NWD2: variants seen among roughly 807,000 people sequenced by gnomAD.
NWD2 encodes NACHT and WD repeat domain containing 2.
Under a neutral mutation model 132.7 loss-of-function variants are expected in NWD2, and 37 were observed. The observed-to-expected ratio is 0.28, with a 90% CI of 0.21 to 0.37. NWD2 has a LOEUF of 0.37. Ranked by LOEUF, NWD2 falls within the 10% of genes least tolerant of loss-of-function variation. NWD2 has a pLI of 1.00. For missense variants in NWD2, 1,592 were observed against 2,122.4 expected, an observed-to-expected ratio of 0.75 and a Z score of 4.91; for synonymous variants, 705 against 803.0, an observed-to-expected ratio of 0.88 and a Z score of 2.06.
intron 1 of NWD2, among the ~76,000 whole-genome samples, chr4:37,262,097 C>T (rs952922424): frequency 6.6e-6 from 1 of 152,206 alleles, no homozygotes; most frequent in Non-Finnish European, 1.5e-5. Context: ...CATCTACAAA[C>T]ATCCAGGAAG....
At chr4:37,418,005 A>G (rs1445435218) in intron 3 of NWD2, among the ~76,000 whole-genome samples, 2 of 152,184 alleles carry the variant, frequency 1.3e-5, no homozygotes, top group African/African-American at 4.8e-5. Context: ...AAAAGAAATG[A>G]CAGCAAAGTA....
chr4:37,245,357 G>C (rs1205411029), intron 1 of NWD2, 139 bp downstream of exon 1: 2 of 1,074,256 alleles, frequency 1.9e-6, no homozygotes, highest in Non-Finnish European at 2.6e-6. Context: ...CCCTGAGCGC[G>C]TGGGAATTTA....
chr4:37,431,980 G>T (rs1018956799), intron 4 of NWD2, among the ~76,000 whole-genome samples: 1 of 80,420 alleles, frequency 1.2e-5, no homozygotes, highest in African/African-American at 4.5e-5. Flanking sequence ...ATTGGTTAAA[G>T]TTCCATTAAT....
At chr4:37,330,529 C>G (rs150183107) in intron 2 of NWD2, among the ~76,000 whole-genome samples, 125 of 152,310 alleles carry the variant, frequency 8.2e-4, no homozygotes, top group African/African-American at 2.8e-3. Context: ...ACCATCCACT[C>G]TTGCTTTTGG....
intron 1 of NWD2, among the ~76,000 whole-genome samples, chr4:37,274,334 A>G (rs1377271616): frequency 6.6e-6 from 1 of 152,222 alleles, no homozygotes; most frequent in Non-Finnish European, 1.5e-5. Context: ...GATTTAGAAG[A>G]AATGGATAAA....
At chr4:37,262,656 G>C (rs1207788051) in intron 1 of NWD2, among the ~76,000 whole-genome samples, 2 of 152,088 alleles carry the variant, frequency 1.3e-5, no homozygotes, top group African/African-American at 2.4e-5. Flanking sequence ...CAACTACCCA[G>C]GTACCTCGGA....
intron 1 of NWD2, among the ~76,000 whole-genome samples, chr4:37,323,998 A>G (rs373404868): frequency 8.5e-5 from 13 of 152,298 alleles, no homozygotes; most frequent in Admixed American, 3.9e-4. Flanking sequence ...TTGAGCACAC[A>G]TGGACATAAA....
intron 3 of NWD2, among the ~76,000 whole-genome samples, chr4:37,374,169 G>A (rs902613523): frequency 6.6e-6 from 1 of 152,172 alleles, no homozygotes; most frequent in Non-Finnish European, 1.5e-5. Flanking sequence ...GTGAGTTCTT[G>A]CCCTATTAGT....
At chr4:37,271,146 T>C (rs1403822454) in intron 1 of NWD2, among the ~76,000 whole-genome samples, 1 of 151,766 alleles carries the variant, frequency 6.6e-6, no homozygotes, top group African/African-American at 2.4e-5. Flanking sequence ...TTACCGTAGC[T>C]TTATAGTAAA....
intron 1 of NWD2, among the ~76,000 whole-genome samples, chr4:37,298,627 CTAAG>C (rs1040603147): frequency 5.3e-5 from 8 of 152,002 alleles, no homozygotes; most frequent in African/African-American, 1.7e-4. Flanking sequence ...TCATTATTTG[CTAAG>C]TGATAGATGT....
Position 37,444,967 on chromosome 4 carries a change from C to G in NWD2, c.2979C>G (p.Thr993=), listed in dbSNP as rs1577704980. ...LTALENGSIS[T]WDVETRQLLR... is the part of the protein sequence containing the mutation. ...CTTTAGAAAATGGTTCCATCAGCAC[C>G]TGGGATGTAGAGACTCGACAGCTAC... The change falls in exon 7 of 7, where the codon ACC becomes ACG. Residue 993 remains threonine (T), a synonymous_variant. Coordinates refer to ENST00000309447, the MANE Select transcript of NWD2 (RefSeq NM_001144990.2). The surrounding 1 kb of genome is among the most constrained non-coding windows in gnomAD (Gnocchi z 4.8). The G allele has an allele frequency of 6.4e-7, 1 of 1,551,962 alleles. No individual in the cohort carries two copies. Among genetic ancestry groups the G allele is most frequent in the Admixed American group, 2.0e-5 (1 of 50,980 alleles).
intron 2 of NWD2, among the ~76,000 whole-genome samples, chr4:37,346,099 AC>A (rs1017729867): frequency 7.9e-5 from 12 of 151,188 alleles, no homozygotes; most frequent in Non-Finnish European, 1.0e-4. Flanking sequence ...AAAAAAAAAA[AC>A]CTACTACTCC....
chr4:37,334,338 C>T (rs1298656101), intron 2 of NWD2, among the ~76,000 whole-genome samples: 1 of 151,932 alleles, frequency 6.6e-6, no homozygotes, highest in African/African-American at 2.4e-5. Context: ...GTTCCAGCTT[C>T]GTTTTCAACT....
chr4:37,247,189 G>A (rs35870167), intron 1 of NWD2, among the ~76,000 whole-genome samples: 33,497 of 152,134 alleles, frequency 0.22, 3,783 homozygotes, highest in South Asian at 0.36. Flanking sequence ...ATTGGAGAGC[G>A]GATGGCATAT....
chr4:37,397,788 C>CCTCTCTCTCT (rs113226816), intron 3 of NWD2, among the ~76,000 whole-genome samples: 2 of 148,698 alleles, frequency 1.3e-5, no homozygotes, highest in Non-Finnish European at 3.0e-5. Flanking sequence ...CTGGGAACAG[C>CCTCTCTCTCT]CTCTCTCTCT....
At chr4:37,388,832 G>A (rs185467050) in intron 3 of NWD2, among the ~76,000 whole-genome samples, 6 of 150,476 alleles carry the variant, frequency 4.0e-5, no homozygotes, top group South Asian at 2.1e-4. Context: ...GTTCAAAAAC[G>A]TTTCCATTAC....
rs1343930067 is a variant in NWD2, at chr4:37,444,323, G to A, written c.2335G>A (p.Asp779Asn). The change falls in exon 7 of 7, where the codon GAC becomes AAC. Residue 779 changes from aspartate (D) to asparagine (N), a missense_variant. By Grantham distance (23) the Asp-to-Asn change is conservative. This residue lies in a region of NWD2 where 1,071 missense variants were observed against 1,398.0 expected (regional missense o/e 0.77). Transcript: ENST00000309447. The surrounding 1 kb of genome is among the most constrained non-coding windows in gnomAD (Gnocchi z 4.8). ...GGRRKAFCLE[D>N]PYLNGCLDLE... ...CAGGAGGAAAGCCTTCTGCCTTGAGGACCCCTACTTGAATGGCTGCCTTGA... is the reference window on the plus strand; with the variant it reads ...CAGGAGGAAAGCCTTCTGCCTTGAGAACCCCTACTTGAATGGCTGCCTTGA... 31 of 1,551,700 alleles carry A rather than the reference G, an allele frequency of 2.0e-5. No individual in the cohort carries two copies. The highest frequency in any genetic ancestry group is 2.6e-5 in the Non-Finnish European group (30 of 1,147,016).
chr4:37,260,266 T>C (rs1319508335), intron 1 of NWD2, among the ~76,000 whole-genome samples: 1 of 152,226 alleles, frequency 6.6e-6, no homozygotes, highest in Non-Finnish European at 1.5e-5. Context: ...GTTTATACAG[T>C]AGCTCTGTGA....
At chr4:37,284,125 T>G (rs1445213622) in intron 1 of NWD2, among the ~76,000 whole-genome samples, 1 of 152,176 alleles carries the variant, frequency 6.6e-6, no homozygotes, top group Non-Finnish European at 1.5e-5. Flanking sequence ...AAAATTGTAT[T>G]TCTCACAGTT....
Sources: allele counts gnomAD v4.1 joint callset (sites outside exome capture counted in the v4.1 genomes callset), GRCh38; gene constraint gnomAD v4.1.1; regional missense constraint gnomAD v4.1.1; non-coding constraint Gnocchi (gnomAD v3.1); transcripts MANE v1.5; gene names NCBI Gene and HGNC (gene_info 2026-07-23, HGNC 2026-07-21).